F13A1: variants seen among roughly 807,000 people sequenced by gnomAD.
F13A1 encodes the protein FSF, A subunit.
A neutral mutation model predicts 80.1 loss-of-function variants in F13A1; 47 were observed. That is an observed-to-expected ratio of 0.59 (90% CI 0.46 to 0.75). The LOEUF is 0.75. F13A1 is among the 30% of genes least tolerant of loss of function. The probability of loss-of-function intolerance (pLI) is 0.00; values close to 1 mark genes in which losing one functional copy is unlikely to be tolerated. For synonymous variants in F13A1, 349 were observed against 344.9 expected (o/e 1.01, Z -0.13); for missense variants, 817 against 930.4 (o/e 0.88, Z 1.59).
intron 3 of F13A1, among the ~76,000 whole-genome samples, chr6:6,298,327 T>C (rs1227536597): frequency 0.03 from 4,354 of 145,182 alleles, 121 homozygotes; most frequent in African/African-American, 0.095. Flanking sequence ...CTCGTTGATC[T>C]GTCTAATGTT....
At chr6:6,272,142 C>T (rs1480420456) in intron 3 of F13A1, among the ~76,000 whole-genome samples, 1 of 152,214 alleles carries the variant, frequency 6.6e-6, no homozygotes, top group Non-Finnish European at 1.5e-5. Flanking sequence ...CCACTGCACG[C>T]AAAGCCCTGC....
chr6:6,283,438 T>C (rs552538618), intron 3 of F13A1, among the ~76,000 whole-genome samples: 2 of 152,310 alleles, frequency 1.3e-5, no homozygotes, highest in African/African-American at 4.8e-5. Context: ...ATTTTGATGG[T>C]TGCACAGAAG....
At chr6:6,301,692 G>T (rs1758434819) in intron 3 of F13A1, among the ~76,000 whole-genome samples, 1 of 152,192 alleles carries the variant, frequency 6.6e-6, no homozygotes, top group African/African-American at 2.4e-5. Context: ...GGATGCTGTG[G>T]TGGGCTGCCT....
chr6:6,298,694 CTT>C (rs1758370983), intron 3 of F13A1, among the ~76,000 whole-genome samples: 1 of 149,764 alleles, frequency 6.7e-6, no homozygotes, highest in Non-Finnish European at 1.5e-5. Flanking sequence ...GGTCTTGACT[CTT>C]TATCCAATTT....
intron 6 of F13A1, among the ~76,000 whole-genome samples, chr6:6,245,510 C>T (rs1274679678): frequency 6.6e-6 from 1 of 152,206 alleles, no homozygotes; most frequent in Admixed American, 6.5e-5. Context: ...AGGCGTGAGC[C>T]ACCGTTCCTG....
At chr6:6,194,786 A>ATT (rs1228154093) in intron 10 of F13A1, among the ~76,000 whole-genome samples, 2 of 152,178 alleles carry the variant, frequency 1.3e-5, no homozygotes, top group African/African-American at 4.8e-5. Context: ...AATAATAACT[A>ATT]TTTGTTCCTC....
At chr6:6,289,341 T>C (rs1329413015) in intron 3 of F13A1, among the ~76,000 whole-genome samples, 1 of 152,092 alleles carries the variant, frequency 6.6e-6, no homozygotes, top group African/African-American at 2.4e-5. Flanking sequence ...GGCCTACAAA[T>C]GGCAGAGGGC....
intron 8 of F13A1, among the ~76,000 whole-genome samples, chr6:6,220,611 T>C (rs905186676): frequency 3.7e-4 from 57 of 152,066 alleles, no homozygotes; most frequent in Admixed American, 3.1e-3. Context: ...GGAAGAGATA[T>C]GGAGAATGCC....
intron 12 of F13A1, among the ~76,000 whole-genome samples, chr6:6,172,172 G>A (rs1485875054): frequency 6.6e-6 from 1 of 152,122 alleles, no homozygotes. Context: ...TGTGTGTGCT[G>A]TTTTTCCCCT....
At chr6:6,220,565 GTC>G (rs1006784498) in intron 8 of F13A1, among the ~76,000 whole-genome samples, 13 of 144,134 alleles carry the variant, frequency 9.0e-5, no homozygotes, top group African/African-American at 3.1e-4. Flanking sequence ...CTGTGTGTCT[GTC>G]TGTGTGTGTG....
chr6:6,277,594 T>C (rs1379744630), intron 3 of F13A1, among the ~76,000 whole-genome samples: 1 of 152,194 alleles, frequency 6.6e-6, no homozygotes, highest in Non-Finnish European at 1.5e-5. Context: ...CTAACTCACA[T>C]TCCACCAGCC....
At chr6:6,181,319 C>T (rs1337452179) in intron 11 of F13A1, among the ~76,000 whole-genome samples, 1 of 152,246 alleles carries the variant, frequency 6.6e-6, no homozygotes, top group East Asian at 1.9e-4. Context: ...CTGAGTCCTG[C>T]TCACTGCTGG....
intron 6 of F13A1, among the ~76,000 whole-genome samples, chr6:6,233,159 A>T (rs1757374554): frequency 6.6e-6 from 1 of 152,162 alleles, no homozygotes; most frequent in African/African-American, 2.4e-5. Flanking sequence ...TAAATGAAAC[A>T]AAAAGCTGGT....
chr6:6,303,983 C>T (rs186372485), intron 3 of F13A1, among the ~76,000 whole-genome samples: 31 of 152,252 alleles, frequency 2.0e-4, no homozygotes, highest in Admixed American at 2.0e-3. Flanking sequence ...TTTCTACATA[C>T]ACAATCATAG....
At chr6:6,170,659 T>G (rs1760756677) in intron 12 of F13A1, among the ~76,000 whole-genome samples, 1 of 152,144 alleles carries the variant, frequency 6.6e-6, no homozygotes, top group African/African-American at 2.4e-5. Flanking sequence ...ATAGCACCTT[T>G]GAAGGTACGG....
At chr6:6,305,090 G>A (rs1472985641) in intron 3 of F13A1, 1 of 519,770 alleles carries the variant, frequency 1.9e-6, no homozygotes, top group East Asian at 3.4e-5. Flanking sequence ...GTTTGAGGAA[G>A]AATAATTTAG....
At chr6:6,311,032 ATC>A (rs1758582555) in intron 2 of F13A1, among the ~76,000 whole-genome samples, 1 of 116,350 alleles carries the variant, frequency 8.6e-6, no homozygotes, top group Admixed American at 9.0e-5. Flanking sequence ...CGCAGGAAAC[ATC>A]TGTCTTTTTT....
intron 7 of F13A1, among the ~76,000 whole-genome samples, chr6:6,222,912 C>A (rs958560034): frequency 6.6e-6 from 1 of 152,134 alleles, no homozygotes; most frequent in Non-Finnish European, 1.5e-5. Flanking sequence ...ATTCAAGGGT[C>A]CCCCTCCTTA....
At position 6,264,869 on chromosome 6, in the gene F13A1, C is replaced by A. The variant is rs535058759; in HGVS notation, c.571+1689G>T. 2.7e-3 allele frequency among the ~76,000 whole-genome samples: 410 copies of A among 152,248 alleles called. 4 individuals are homozygous for A. The highest frequency in any genetic ancestry group is 9.2e-3 in the African/African-American group (384 of 41,550). On this transcript the variant is annotated intron_variant, in intron 4 of 14. Transcript: ENST00000264870. Reference sequence around the variant, plus strand: ...GTTACCATTTACCTTGAATATCTGTCTCATAGATAGGAGTGTTGGGTACAA... The same window carrying A: ...GTTACCATTTACCTTGAATATCTGTATCATAGATAGGAGTGTTGGGTACAA...
Sources: gnomAD v4.1 joint callset for allele counts (sites outside exome capture counted in the v4.1 genomes callset) on GRCh38, gnomAD v4.1.1 for gene constraint, MANE v1.5 for transcripts, NCBI Gene and HGNC (gene_info 2026-07-23, HGNC 2026-07-21) for gene names.